The following PRICKLE1 variants were observed in gnomAD, a reference collection of about 807,000 sequenced individuals.
PRICKLE1 encodes prickle-like protein 1.
Under a neutral mutation model 70.2 loss-of-function variants are expected in PRICKLE1, and 14 were observed. That is an observed-to-expected ratio of 0.20 (90% CI 0.13 to 0.31). PRICKLE1 has a LOEUF of 0.31. PRICKLE1 is among the 10% of genes least tolerant of loss of function. The probability of loss-of-function intolerance (pLI) is 1.00; values close to 1 mark genes in which losing one functional copy is unlikely to be tolerated. For missense variants in PRICKLE1, 821 were observed against 1,026.2 expected (o/e 0.80, Z 2.73); for synonymous variants, 357 against 379.9 (o/e 0.94, Z 0.70).
In PRICKLE1 at chr12:42,460,385, A is replaced by G. The variant is rs1593100510; in HGVS notation, c.1920T>C (p.Asn640=). Residue 640 remains asparagine, a synonymous_variant, in exon 8 of 8, where the codon AAT becomes AAC. Transcript: ENST00000345127. ...GCCGGATTTCAATGTCATAGTTCCC[A>G]TTGTCAATGACATCATCAGAAAACT... ...QVKFSDDVID[N]GNYDIEIRQP... is the part of the protein sequence containing the mutation. The G allele has an allele frequency of 3.7e-6, 6 of 1,614,016 alleles. No individual in the cohort carries two copies. Among genetic ancestry groups the G allele is most frequent in the Non-Finnish European group, 5.1e-6 (6 of 1,179,966 alleles).
At chr12:42,529,253 T>G (rs1355828468) in intron 1 of PRICKLE1, among the ~76,000 whole-genome samples, 1 of 152,226 alleles carries the variant, frequency 6.6e-6, no homozygotes, top group Admixed American at 6.5e-5. Context: ...TACTCAAACA[T>G]GTTCCTATGG....
chr12:42,463,671 G>C (rs1329118266), intron 7 of PRICKLE1: 3 of 152,244 alleles, frequency 2.0e-5, no homozygotes, highest in African/African-American at 7.2e-5. Flanking sequence ...AGTGAGGTGA[G>C]ACTGCGCCAT....
At chr12:42,562,006 G>C (rs560925855) in intron 1 of PRICKLE1, among the ~76,000 whole-genome samples, 7 of 150,840 alleles carry the variant, frequency 4.6e-5, no homozygotes, top group African/African-American at 1.5e-4. Context: ...CCGCCTCCTG[G>C]GTTCAGGCTA....
chr12:42,580,800 T>G lies in PRICKLE1; in HGVS notation c.-49+8665A>C, dbSNP rs1183311143. Reference sequence around the variant, plus strand: ...CATTTCCAGGTTGAAATGACATCTATAATATTTTGACAGCAAAATATCAAT... The same window carrying G: ...CATTTCCAGGTTGAAATGACATCTAGAATATTTTGACAGCAAAATATCAAT... On this transcript the variant is annotated intron_variant, in intron 1 of 7. Transcript: ENST00000345127. Among the ~76,000 whole-genome samples the G allele has an allele frequency of 2.0e-5, 3 of 152,106 alleles. No individual in the cohort carries two copies. The East Asian group carries it at 5.8e-4, about 29-fold the overall frequency.
In PRICKLE1 at chr12:42,494,312, A is replaced by G. The variant is rs1252755615; in HGVS notation, c.-48-21748T>C. Among the ~76,000 whole-genome samples the G allele has an allele frequency of 2.6e-5, 4 of 152,326 alleles. No homozygotes were observed. The East Asian group carries it at 7.7e-4, about 29-fold the overall frequency. Reference sequence around the variant, plus strand: ...CTTTCACAAAAGATTTCTCTGTAGCATGTGATGCTGTTTGGTAGCATTTTA... The same window carrying G: ...CTTTCACAAAAGATTTCTCTGTAGCGTGTGATGCTGTTTGGTAGCATTTTA... On this transcript the variant is annotated intron_variant, in intron 1 of 7. Transcript: ENST00000345127.
chr12:42,558,224 CAT>C (rs755195028), intron 1 of PRICKLE1, among the ~76,000 whole-genome samples: 13 of 152,146 alleles, frequency 8.5e-5, no homozygotes, highest in Non-Finnish European at 1.9e-4. Context: ...TACATATTCT[CAT>C]ATAAGAAATA....
At chr12:42,512,372 C>A (rs1939530364) in intron 1 of PRICKLE1, among the ~76,000 whole-genome samples, 1 of 152,082 alleles carries the variant, frequency 6.6e-6, no homozygotes, top group Admixed American at 6.5e-5. Flanking sequence ...CAGGGTTTCA[C>A]CATGTTGGAC....
intron 1 of PRICKLE1, among the ~76,000 whole-genome samples, chr12:42,510,322 C>T (rs574987141): frequency 6.6e-6 from 1 of 151,848 alleles, no homozygotes; most frequent in African/African-American, 2.4e-5. Flanking sequence ...TCTTGATCTC[C>T]TGATCTTGTG....
chr12:42,517,966 C>T (rs1407856629), intron 1 of PRICKLE1, among the ~76,000 whole-genome samples: 2 of 151,770 alleles, frequency 1.3e-5, no homozygotes, highest in Admixed American at 6.6e-5. Flanking sequence ...CTCTCCCAGG[C>T]CTGGGTTTAT....
chr12:42,497,194 AAGG>A (rs989960709), intron 1 of PRICKLE1, among the ~76,000 whole-genome samples: 2 of 152,154 alleles, frequency 1.3e-5, no homozygotes, highest in African/African-American at 4.8e-5. Context: ...AGGGAAAGCC[AAGG>A]AGGAGGAGAA....
At chr12:42,516,086 C>G (rs918775515) in intron 1 of PRICKLE1, among the ~76,000 whole-genome samples, 3 of 152,088 alleles carry the variant, frequency 2.0e-5, no homozygotes, top group African/African-American at 7.2e-5. Context: ...AGGCAATTTC[C>G]TATACTGTAG....
intron 1 of PRICKLE1, among the ~76,000 whole-genome samples, chr12:42,549,108 GAC>G (rs1257157679): frequency 9.1e-6 from 1 of 109,826 alleles, no homozygotes; most frequent in Admixed American, 1.3e-4. Flanking sequence ...AACAGAGTGA[GAC>G]CCTGTCTCCA....
At chr12:42,505,201 A>G (rs1241934379) in intron 1 of PRICKLE1, among the ~76,000 whole-genome samples, 2 of 152,154 alleles carry the variant, frequency 1.3e-5, no homozygotes, top group Non-Finnish European at 1.5e-5. Flanking sequence ...GTTAGGATCC[A>G]TTATGATTGC....
chr12:42,466,000 T>C, intron 6 of PRICKLE1, 194 bp downstream of exon 6: 1 of 655,416 alleles, frequency 1.5e-6, no homozygotes, highest in Non-Finnish European at 2.7e-6. Flanking sequence ...AGAACACAAC[T>C]ACTGCAAGTA....
chr12:42,506,876 C>T (rs966345466), intron 1 of PRICKLE1, among the ~76,000 whole-genome samples: 9 of 151,978 alleles, frequency 5.9e-5, no homozygotes, highest in Non-Finnish European at 1.3e-4. Flanking sequence ...TGGCCATGTT[C>T]TTTTGGCATA....
chr12:42,492,339 G>T (rs1260986849), intron 1 of PRICKLE1, among the ~76,000 whole-genome samples: 1 of 152,118 alleles, frequency 6.6e-6, no homozygotes, highest in Non-Finnish European at 1.5e-5. Context: ...TGCTCACCAG[G>T]TATTTTCTTT....
intron 1 of PRICKLE1, among the ~76,000 whole-genome samples, chr12:42,510,155 C>T (rs376889455): frequency 4.0e-5 from 6 of 151,806 alleles, no homozygotes; most frequent in African/African-American, 1.4e-4. Flanking sequence ...AGTGCAGTGG[C>T]GCCATCTCTG....
intron 1 of PRICKLE1, among the ~76,000 whole-genome samples, chr12:42,587,231 C>A (rs149536080): frequency 1.9e-4 from 29 of 152,254 alleles, no homozygotes; most frequent in African/African-American, 6.7e-4. Flanking sequence ...CCAATTAGTA[C>A]CAAATTAAAG....
At chr12:42,479,269 T>C (rs1289781733) in intron 1 of PRICKLE1, among the ~76,000 whole-genome samples, 2 of 152,232 alleles carry the variant, frequency 1.3e-5, no homozygotes, top group African/African-American at 4.8e-5. Flanking sequence ...TTTTTGAGCT[T>C]GCGAGAGCTC....
Sources: gnomAD v4.1 joint callset for allele counts (sites outside exome capture counted in the v4.1 genomes callset) on GRCh38, gnomAD v4.1.1 for gene constraint, MANE v1.5 for transcripts, NCBI Gene and HGNC (gene_info 2026-07-23, HGNC 2026-07-21) for gene names.